Variants in MVB12B observed in about 807,000 individuals in gnomAD.
The protein encoded by MVB12B is multivesicular body subunit 12B.
Under a neutral mutation model 41.6 loss-of-function variants are expected in MVB12B, and 16 were observed. The ratio of observed to expected loss-of-function variants is 0.38; its 90% CI spans 0.26 to 0.58. MVB12B has a LOEUF of 0.58. Among genes scored for constraint, MVB12B ranks in the 20% least tolerant of loss-of-function variants. The pLI, the probability that MVB12B is intolerant of heterozygous loss-of-function variation, is 0.62. For missense variants in MVB12B, 274 were observed against 380.2 expected (o/e 0.72, Z 2.32); for synonymous variants, 133 against 139.7 (o/e 0.95, Z 0.34).
intron 7 of MVB12B, among the ~76,000 whole-genome samples, chr9:126,475,614 T>G (rs1434977315): frequency 6.6e-6 from 1 of 152,212 alleles, no homozygotes; most frequent in African/African-American, 2.4e-5. Context: ...AGCCTCCCTG[T>G]GCTGGTGAGA....
chr9:126,441,635 C>G (rs1208673471), intron 7 of MVB12B, among the ~76,000 whole-genome samples: 2 of 152,112 alleles, frequency 1.3e-5, no homozygotes, highest in Non-Finnish European at 2.9e-5. Context: ...GTGAATGGGA[C>G]TGATTATTAT....
At chr9:126,369,586 T>C (rs942765755) in intron 2 of MVB12B, among the ~76,000 whole-genome samples, 1 of 152,220 alleles carries the variant, frequency 6.6e-6, no homozygotes, top group Non-Finnish European at 1.5e-5. Flanking sequence ...TTTCACACTT[T>C]ATATAGGTGA....
At chr9:126,492,110 C>T (rs1833743374) in intron 9 of MVB12B, among the ~76,000 whole-genome samples, 1 of 135,382 alleles carries the variant, frequency 7.4e-6, no homozygotes, top group Admixed American at 7.5e-5. Context: ...TCCACTCCTG[C>T]GGCACGTGCA....
chr9:126,459,532 C>T lies in MVB12B; in HGVS notation c.758-21837C>T, dbSNP rs531847250. ...CCCTCACCCCAGCAGCACGCGGGCA[C>T]GCAGCCCACAGCAGCATTTCTCATG... On this transcript the variant is annotated intron_variant, in intron 7 of 9. Coordinates refer to ENST00000361171, the MANE Select transcript of MVB12B (RefSeq NM_033446.3). The surrounding 1 kb of genome is among the most constrained non-coding windows in gnomAD (Gnocchi z 4.3). 2.6e-4 allele frequency among the ~76,000 whole-genome samples: 40 copies of T among 152,300 alleles called. No individual in the cohort carries two copies. Among genetic ancestry groups the T allele is most frequent in the African/African-American group, 9.4e-4 (39 of 41,556 alleles).
intron 2 of MVB12B, among the ~76,000 whole-genome samples, chr9:126,377,663 T>A (rs960777240): frequency 6.6e-6 from 1 of 151,788 alleles, no homozygotes; most frequent in Admixed American, 6.6e-5. Context: ...GGGGGTAAAA[T>A]GGCAAGCAGA....
At chr9:126,471,297 T>C (rs1833310500) in intron 7 of MVB12B, among the ~76,000 whole-genome samples, 1 of 152,188 alleles carries the variant, frequency 6.6e-6, no homozygotes, top group Non-Finnish European at 1.5e-5. Flanking sequence ...ACTCTGAGGT[T>C]AAGTGACTTG....
intron 1 of MVB12B, 103 bp downstream of exon 1, chr9:126,327,113 G>C: frequency 3.4e-6 from 1 of 293,664 alleles, no homozygotes; most frequent in Non-Finnish European, 5.0e-6. Flanking sequence ...CGGGCGGACG[G>C]GAGGAGCCGG....
At chr9:126,457,951 G>A (rs1359642780) in intron 7 of MVB12B, among the ~76,000 whole-genome samples, 1 of 152,122 alleles carries the variant, frequency 6.6e-6, no homozygotes, top group Non-Finnish European at 1.5e-5. Flanking sequence ...AGTATGTCTG[G>A]CAAAAGACGA....
chr9:126,490,865 T>G (rs1222440538), intron 9 of MVB12B, among the ~76,000 whole-genome samples: 1 of 152,320 alleles, frequency 6.6e-6, no homozygotes, highest in Middle Eastern at 3.4e-3. Flanking sequence ...TGTAGTCACG[T>G]GGAATGTTCT....
At chr9:126,417,461 A>T (rs1479899111) in intron 6 of MVB12B, among the ~76,000 whole-genome samples, 5 of 152,194 alleles carry the variant, frequency 3.3e-5, no homozygotes, top group East Asian at 1.9e-4. Flanking sequence ...TTCCTCCATA[A>T]TGGAGAGAGG....
intron 1 of MVB12B, among the ~76,000 whole-genome samples, chr9:126,327,932 C>T (rs1829029664): frequency 6.6e-6 from 1 of 152,204 alleles, no homozygotes. Context: ...CAAAAGCAGA[C>T]AGCAGACCAG....
chr9:126,384,703 AT>A (rs1347184575), intron 3 of MVB12B, among the ~76,000 whole-genome samples: 1 of 151,154 alleles, frequency 6.6e-6, no homozygotes, highest in Admixed American at 6.6e-5. Context: ...TAATTTTTGT[AT>A]TTTTTTTAAG....
intron 2 of MVB12B, among the ~76,000 whole-genome samples, chr9:126,351,781 C>A (rs1020281928): frequency 1.3e-5 from 2 of 152,126 alleles, no homozygotes; most frequent in African/African-American, 4.8e-5. Flanking sequence ...AGCCACCGTG[C>A]CTGGCCCCAG....
At chr9:126,381,022 C>T in intron 2 of MVB12B, 42 bp from the exon 3 acceptor site, 1 of 1,560,030 alleles carries the variant, frequency 6.4e-7, no homozygotes, top group Non-Finnish European at 8.8e-7. Context: ...TCAGTTCCTT[C>T]CTGCCTTACC....
chr9:126,362,918 G>A (rs1830064451), intron 2 of MVB12B, among the ~76,000 whole-genome samples: 1 of 152,166 alleles, frequency 6.6e-6, no homozygotes, highest in African/African-American at 2.4e-5. Flanking sequence ...CAGGCGTGGT[G>A]GCTCACACTT....
At chr9:126,430,606 G>T (rs958368619) in intron 7 of MVB12B, among the ~76,000 whole-genome samples, 5 of 150,646 alleles carry the variant, frequency 3.3e-5, no homozygotes, top group Non-Finnish European at 5.9e-5. Flanking sequence ...GGAGGATGTA[G>T]GTAAACAAAG....
chr9:126,328,460 G>T (rs1472106008), intron 1 of MVB12B, among the ~76,000 whole-genome samples: 2 of 152,126 alleles, frequency 1.3e-5, no homozygotes, highest in African/African-American at 4.8e-5. Flanking sequence ...CTGGAATGTT[G>T]TGCCATGGTT....
chr9:126,384,004 G>A (rs1487987163), intron 3 of MVB12B, among the ~76,000 whole-genome samples: 1 of 151,636 alleles, frequency 6.6e-6, no homozygotes, highest in Non-Finnish European at 1.5e-5. Flanking sequence ...GAAGGATATT[G>A]ATGAATGCCC....
At chr9:126,358,491 C>T (rs746713628) in intron 2 of MVB12B, among the ~76,000 whole-genome samples, 3 of 152,156 alleles carry the variant, frequency 2.0e-5, no homozygotes, top group Non-Finnish European at 2.9e-5. Context: ...TTTCTCTCAG[C>T]AGTCTTTTAG....
Sources: allele counts gnomAD v4.1 joint callset (sites outside exome capture counted in the v4.1 genomes callset), GRCh38; gene constraint gnomAD v4.1.1; non-coding constraint Gnocchi (gnomAD v3.1); transcripts MANE v1.5; gene names NCBI Gene and HGNC (gene_info 2026-07-23, HGNC 2026-07-21).